Variants in TRIO observed in about 807,000 individuals in gnomAD.
The protein encoded by TRIO is trio Rho guanine nucleotide exchange factor, also known as triple functional domain protein.
Under a neutral mutation model 351.9 loss-of-function variants are expected in TRIO, and 58 were observed. The observed-to-expected ratio is 0.16, with a 90% CI of 0.13 to 0.21. The LOEUF is 0.21. TRIO is among the 10% of genes least tolerant of loss of function. The probability of loss-of-function intolerance (pLI) is 1.00; values close to 1 mark genes in which losing one functional copy is unlikely to be tolerated. For missense variants in TRIO, 3,201 were observed against 4,027.8 expected (o/e 0.79, Z 5.56); for synonymous variants, 1,758 against 1,595.7 (o/e 1.10, Z -2.42).
chr5:14,474,396 C>A (rs553974545), intron 40 of TRIO, among the ~76,000 whole-genome samples: 1 of 152,292 alleles, frequency 6.6e-6, no homozygotes, highest in Non-Finnish European at 1.5e-5. Context: ...TGACCCCGAG[C>A]CCTCGGCCTC....
chr5:14,309,546 C>G (rs960091661), intron 8 of TRIO, among the ~76,000 whole-genome samples: 5 of 152,208 alleles, frequency 3.3e-5, no homozygotes, highest in African/African-American at 1.2e-4. Context: ...AGTGTCTTGG[C>G]TTAAAATGCA....
Position 14,497,873 on chromosome 5 carries a change from C to T in TRIO, c.8046C>T (p.Asp2682=), listed in dbSNP as rs138468997. The change falls in exon 51 of 57, where the codon GAC becomes GAT. Residue 2682 remains aspartate (D), a splice_region_variant and synonymous_variant. Coordinates refer to ENST00000344204, the MANE Select transcript of TRIO (RefSeq NM_007118.4). The surrounding 1 kb of genome is among the most constrained non-coding windows in gnomAD (Gnocchi z 4.4). ...VKLLNPNYIY[D]VPPEFVIPLS... is the part of the protein sequence containing the mutation. The stretch of plus-strand genomic sequence containing the variant: ...TTCTCAATCCCAACTACATTTATGA[C>T]GGTGAGTTCTGTTCTTTTTCTTCTA... 1.1e-4 allele frequency: 172 copies of T among 1,614,190 alleles called. 1 individual carries two copies. Among genetic ancestry groups the T allele is most frequent in the South Asian group, 5.4e-4 (49 of 91,084 alleles).
intron 7 of TRIO, among the ~76,000 whole-genome samples, chr5:14,299,032 A>T: frequency 6.6e-6 from 1 of 152,228 alleles, no homozygotes; most frequent in East Asian, 1.9e-4. Flanking sequence ...AGCATAACAC[A>T]CAGAGAACAT....
chr5:14,471,246 T>C (rs1267997368), intron 37 of TRIO, 72 bp from the exon 38 acceptor site: 3 of 1,459,116 alleles, frequency 2.1e-6, no homozygotes, highest in Non-Finnish European at 1.8e-6. Flanking sequence ...CTTTGGGTAT[T>C]TTCTTGTCTT....
chr5:14,408,450 G>A (rs886395849), intron 33 of TRIO, among the ~76,000 whole-genome samples: 7 of 152,110 alleles, frequency 4.6e-5, no homozygotes, highest in Non-Finnish European at 1.0e-4. Flanking sequence ...AAGGCCCTAT[G>A]TATTGGCATT....
intron 34 of TRIO, among the ~76,000 whole-genome samples, chr5:14,442,409 G>C (rs1752128237): frequency 1.3e-5 from 2 of 152,032 alleles, no homozygotes; most frequent in Non-Finnish European, 2.9e-5. Context: ...CAAAAGGGGG[G>C]CACAGAAAAT....
rs1480837521 is a variant in TRIO at position 14,504,422 on chromosome 5, A to G, written c.8441A>G (p.Asp2814Gly). 1 of 1,614,154 alleles carries G rather than the reference A, an allele frequency of 6.2e-7. No individual in the cohort carries two copies. The highest frequency in any genetic ancestry group is 1.7e-5 in the Admixed American group (1 of 60,022). ...AGATTCTCTGTCGTTAAGAAATGTG[A>G]TCAGAAAGGAACCAAGCGAGCAGTG... ...RGRFSVVKKC[D>G]QKGTKRAVAT... The change falls in exon 55 of 57, where the codon GAT becomes GGT. Residue 2814 changes from aspartate (D) to glycine (G), a missense_variant. Coordinates refer to ENST00000344204, the MANE Select transcript of TRIO (RefSeq NM_007118.4).
intron 48 of TRIO, chr5:14,492,345 G>A (rs1407493893): frequency 3.2e-5 from 19 of 594,808 alleles, no homozygotes; most frequent in African/African-American, 7.4e-5. Context: ...TTTTAAGAGC[G>A]TCCCTAAATT....
At chr5:14,430,040 C>T (rs1262710830) in intron 34 of TRIO, among the ~76,000 whole-genome samples, 2 of 152,018 alleles carry the variant, frequency 1.3e-5, no homozygotes, top group South Asian at 2.1e-4. Flanking sequence ...ATATACAGCG[C>T]TGCGGGAGAT....
chr5:14,456,827 G>A (rs1424445055), intron 34 of TRIO, among the ~76,000 whole-genome samples: 1 of 152,156 alleles, frequency 6.6e-6, no homozygotes, highest in Non-Finnish European at 1.5e-5. Context: ...GATTTAGTGG[G>A]CAAAGTCTAT....
intron 25 of TRIO, 105 bp from the exon 26 acceptor site, chr5:14,390,126 T>C (rs1177096748): frequency 1.0e-6 from 1 of 982,968 alleles, no homozygotes; most frequent in Non-Finnish European, 1.5e-6. Context: ...GCTACATGTT[T>C]TGTTCATTCT....
intron 52 of TRIO, 95 bp downstream of exon 52, chr5:14,498,346 T>A: frequency 6.5e-7 from 1 of 1,543,410 alleles, no homozygotes; most frequent in Non-Finnish European, 8.8e-7. Flanking sequence ...TGGATTTCTT[T>A]GGCTGCCTTC....
At chr5:14,461,674 G>C (rs1032925824) in intron 35 of TRIO, among the ~76,000 whole-genome samples, 2 of 152,248 alleles carry the variant, frequency 1.3e-5, no homozygotes. Flanking sequence ...CAGAGGCTCT[G>C]TGTAGTCTGC....
chr5:14,252,162 T>G (rs1794783792), intron 1 of TRIO, among the ~76,000 whole-genome samples: 1 of 152,228 alleles, frequency 6.6e-6, no homozygotes, highest in Non-Finnish European at 1.5e-5. Context: ...AAATTAAGCA[T>G]CTTTTATGTA....
intron 27 of TRIO, among the ~76,000 whole-genome samples, chr5:14,393,246 G>A (rs1747265819): frequency 6.6e-6 from 1 of 151,846 alleles, no homozygotes; most frequent in Admixed American, 6.6e-5. Flanking sequence ...CCTGTCGGGG[G>A]GTGGGGGTCT....
chr5:14,426,539 A>G (rs1750655262), intron 34 of TRIO, among the ~76,000 whole-genome samples: 1 of 152,224 alleles, frequency 6.6e-6, no homozygotes, highest in Non-Finnish European at 1.5e-5. Context: ...CTGTCCAGGA[A>G]CTCACTGAAA....
chr5:14,414,394 G>GT, intron 33 of TRIO, among the ~76,000 whole-genome samples: 1 of 152,286 alleles, frequency 6.6e-6, no homozygotes. Context: ...AAATGCAGCC[G>GT]TTTTTCATCC....
intron 6 of TRIO, among the ~76,000 whole-genome samples, chr5:14,296,213 A>G (rs371829572): frequency 1.1e-4 from 17 of 152,300 alleles, no homozygotes; most frequent in African/African-American, 3.8e-4. Context: ...AGAGGTATCT[A>G]CGATTTTGGG....
At chr5:14,424,176 GCCTC>G (rs1332884269) in intron 34 of TRIO, among the ~76,000 whole-genome samples, 3 of 152,108 alleles carry the variant, frequency 2.0e-5, no homozygotes, top group Non-Finnish European at 4.4e-5. Flanking sequence ...GGCGCAGGAG[GCCTC>G]CCAGGGTCTT....
Sources: gnomAD v4.1 joint callset for allele counts (sites outside exome capture counted in the v4.1 genomes callset) on GRCh38, gnomAD v4.1.1 for gene constraint, Gnocchi (gnomAD v3.1) non-coding constraint, MANE v1.5 for transcripts, NCBI Gene and HGNC (gene_info 2026-07-23, HGNC 2026-07-21) for gene names.